Variants in COP1 observed in about 807,000 individuals in gnomAD.
COP1 encodes the protein E3 ubiquitin-protein ligase COP1.
COP1 carries 24 observed loss-of-function variants against 101.3 expected under a neutral mutation model. The observed-to-expected ratio is 0.24, with a 90% CI of 0.17 to 0.33. The LOEUF (loss-of-function observed/expected upper bound fraction) is 0.33. COP1 is among the 10% of genes least tolerant of loss of function. COP1 has a pLI of 1.00. For synonymous variants in COP1, 347 were observed against 341.9 expected, an observed-to-expected ratio of 1.01 and a Z score of -0.17; for missense variants, 663 against 906.2, an observed-to-expected ratio of 0.73 and a Z score of 3.45.
chr1:175,995,136 T>C (rs1571492712), intron 15 of COP1, among the ~76,000 whole-genome samples: 1 of 152,210 alleles, frequency 6.6e-6, no homozygotes, highest in Non-Finnish European at 1.5e-5. Flanking sequence ...AACTTGCTCC[T>C]GAATGACTAC....
intron 11 of COP1, among the ~76,000 whole-genome samples, chr1:176,055,776 ATGAAT>A (rs890313182): frequency 2.2e-4 from 33 of 152,194 alleles, no homozygotes; most frequent in Non-Finnish European, 4.6e-4. Flanking sequence ...TTAAAAGCTC[ATGAAT>A]TGATTTAGTA....
At chr1:176,178,418 G>A (rs1049591093) in intron 2 of COP1, among the ~76,000 whole-genome samples, 2 of 152,072 alleles carry the variant, frequency 1.3e-5, no homozygotes, top group Admixed American at 1.3e-4. Context: ...AGCTAATCAG[G>A]AGGCTGAGGT....
At chr1:175,964,218 C>A (rs565963368) in intron 18 of COP1, among the ~76,000 whole-genome samples, 10 of 152,244 alleles carry the variant, frequency 6.6e-5, no homozygotes, top group Non-Finnish European at 1.0e-4. Flanking sequence ...CTCCAGCACT[C>A]TCAATCAGAA....
chr1:176,117,133 T>C (rs189648344), intron 8 of COP1, among the ~76,000 whole-genome samples: 142 of 152,322 alleles, frequency 9.3e-4, no homozygotes, highest in African/African-American at 3.3e-3. Flanking sequence ...ATTACTCAAG[T>C]TTCCTCATCT....
At chr1:176,057,262 G>T (rs1258482946) in intron 11 of COP1, among the ~76,000 whole-genome samples, 1 of 152,100 alleles carries the variant, frequency 6.6e-6, no homozygotes. Context: ...GATATGCTTT[G>T]CTATAATAAG....
intron 18 of COP1, among the ~76,000 whole-genome samples, chr1:175,962,936 G>T (rs1333103055): frequency 1.3e-5 from 2 of 152,126 alleles, no homozygotes; most frequent in Non-Finnish European, 2.9e-5. Flanking sequence ...AAGATTTATT[G>T]TTTGAAGTGA....
intron 5 of COP1, among the ~76,000 whole-genome samples, chr1:176,159,800 A>C (rs754439188): frequency 3.9e-5 from 6 of 152,188 alleles, no homozygotes; most frequent in Non-Finnish European, 8.8e-5. Flanking sequence ...ATGCTTGAGA[A>C]GGATTCTTGC....
At chr1:176,058,191 G>GGA (rs1674122438) in intron 11 of COP1, among the ~76,000 whole-genome samples, 2 of 150,388 alleles carry the variant, frequency 1.3e-5, no homozygotes. Context: ...GGAGGGGGGG[G>GGA]GTCAGCCCCT....
intron 15 of COP1, among the ~76,000 whole-genome samples, chr1:176,004,636 T>G (rs1662630956): frequency 2.0e-5 from 3 of 152,042 alleles, no homozygotes; most frequent in African/African-American, 7.2e-5. Context: ...TTGGCTCTGT[T>G]TATATGCTGG....
chr1:176,180,989 G>A (rs1353697544), intron 2 of COP1, among the ~76,000 whole-genome samples: 1 of 152,150 alleles, frequency 6.6e-6, no homozygotes, highest in Non-Finnish European at 1.5e-5. Context: ...GGGCTTGGTA[G>A]ACATACGGTA....
intron 18 of COP1, among the ~76,000 whole-genome samples, chr1:175,964,486 T>C (rs1448506656): frequency 6.6e-6 from 1 of 152,210 alleles, no homozygotes; most frequent in Non-Finnish European, 1.5e-5. Flanking sequence ...AGAACACTAT[T>C]AGTGACACAG....
intron 14 of COP1, among the ~76,000 whole-genome samples, chr1:176,033,816 T>C (rs1043762380): frequency 6.6e-6 from 1 of 152,116 alleles, no homozygotes; most frequent in African/African-American, 2.4e-5. Context: ...GTTTAAAAAA[T>C]TCCTCAGTTA....
intron 18 of COP1, among the ~76,000 whole-genome samples, chr1:175,985,710 C>A (rs1249113965): frequency 6.6e-6 from 1 of 152,098 alleles, no homozygotes; most frequent in Non-Finnish European, 1.5e-5. Context: ...GTTTGCTTTC[C>A]AATGCTTTCA....
At chr1:175,992,513 G>C (rs560531923) in intron 15 of COP1, among the ~76,000 whole-genome samples, 1 of 152,186 alleles carries the variant, frequency 6.6e-6, no homozygotes, top group African/African-American at 2.4e-5. Flanking sequence ...AGTGACAGAC[G>C]GCACCTGGAA....
At chr1:176,201,356 G>C (rs1310251622) in intron 1 of COP1, among the ~76,000 whole-genome samples, 1 of 152,040 alleles carries the variant, frequency 6.6e-6, no homozygotes, top group Non-Finnish European at 1.5e-5. Flanking sequence ...CTGAGGAAAA[G>C]GGTAGCAGGT....
chr1:176,190,529 T>A lies in COP1; in HGVS notation c.408-5837A>T, dbSNP rs898517707. Among the ~76,000 whole-genome samples, 4 of 145,630 alleles carry A rather than the reference T, an allele frequency of 2.7e-5. No homozygotes were observed. In the East Asian group the frequency reaches 5.9e-4, roughly 22 times the overall value. ...GATAATGTATGTCACTTGGGACATT[T>A]AAAAAAAAAAAAAACAGTACAGAAC... On this transcript the variant is annotated intron_variant, in intron 1 of 19. Transcript: ENST00000367669.
chr1:176,047,505 T>C (rs1442175158), intron 11 of COP1, among the ~76,000 whole-genome samples: 2 of 152,262 alleles, frequency 1.3e-5, no homozygotes, highest in Non-Finnish European at 2.9e-5. Context: ...AAGCTCTTAA[T>C]GTAAAACTCA....
intron 6 of COP1, among the ~76,000 whole-genome samples, chr1:176,142,203 A>G (rs1460227024): frequency 6.6e-6 from 1 of 152,186 alleles, no homozygotes; most frequent in Non-Finnish European, 1.5e-5. Context: ...CAGAGAGAGC[A>G]ACCACTAAAA....
chr1:176,085,544 T>G (rs1558075832), intron 10 of COP1, among the ~76,000 whole-genome samples: 1 of 152,170 alleles, frequency 6.6e-6, no homozygotes, highest in African/African-American at 2.4e-5. Flanking sequence ...CTTTTTAACT[T>G]TATCTAGCTT....
Sources: allele counts gnomAD v4.1 joint callset (sites outside exome capture counted in the v4.1 genomes callset), GRCh38; gene constraint gnomAD v4.1.1; transcripts MANE v1.5; gene names NCBI Gene and HGNC (gene_info 2026-07-23, HGNC 2026-07-21).